Variants in ASIC2 observed in about 807,000 individuals in gnomAD.
ASIC2 encodes the protein acid sensing ion channel subunit 2.
A neutral mutation model predicts 57.3 loss-of-function variants in ASIC2; 25 were observed. That is an observed-to-expected ratio of 0.44 (90% CI 0.32 to 0.61). The LOEUF (loss-of-function observed/expected upper bound fraction) is 0.61, where lower values mean the gene tolerates loss of function less well. Ranked by LOEUF, ASIC2 falls within the 20% of genes least tolerant of loss-of-function variation. The pLI is 0.06. For missense variants in ASIC2, 641 were observed against 738.1 expected (o/e 0.87, Z 1.52); for synonymous variants, 319 against 307.5 (o/e 1.04, Z -0.39).
chr17:33,749,931 T>C (rs895527074), intron 1 of ASIC2, among the ~76,000 whole-genome samples: 4 of 152,040 alleles, frequency 2.6e-5, no homozygotes, highest in Admixed American at 2.0e-4. Context: ...GCCTCAGGAG[T>C]GCCCGAGTCT....
Position 33,292,118 on chromosome 17 carries a change from A to T in ASIC2, c.-3T>A. On this transcript the variant is annotated 5_prime_UTR_variant, in exon 1 of 10. It removes an upstream start codon present in the reference 5' UTR. Transcript: ENST00000225823. ...CCGGCTCCGCCAATCCGGCTCATTC[A>T]TTCAGCCCGCGGCTGGCGGCAGCGG... is the stretch of plus-strand genomic sequence containing the variant. 2.9e-6 allele frequency: 3 copies of T among 1,040,804 alleles called. No homozygotes were observed. Among genetic ancestry groups the T allele is most frequent in the Non-Finnish European group, 3.5e-6 (3 of 868,270 alleles). The allele number at this position is 1,040,804 out of a possible 1,614,324, so 64.5% of individuals were successfully genotyped here.
At chr17:33,247,767 G>A (rs777180031) in intron 1 of ASIC2, among the ~76,000 whole-genome samples, 4 of 152,070 alleles carry the variant, frequency 2.6e-5, no homozygotes, top group Non-Finnish European at 5.9e-5. Context: ...GAACAAAGGC[G>A]GGTAAGTTTT....
intron 1 of ASIC2, among the ~76,000 whole-genome samples, chr17:33,302,297 CAT>C (rs1003073121): frequency 6.6e-5 from 10 of 152,316 alleles, no homozygotes; most frequent in East Asian, 1.9e-4. Flanking sequence ...ACCATCCACT[CAT>C]GTGACGAAAA....
Position 33,086,312 on chromosome 17 carries a change from A to G in ASIC2, c.987+2551T>C, listed in dbSNP as rs190686130. Among the ~76,000 whole-genome samples the G allele has an allele frequency of 4.4e-4, 67 of 152,332 alleles. No homozygotes were observed. In the East Asian group the frequency reaches 5.8e-3, roughly 13 times the overall value. ...GGATTCCAAGGAATGTTGTTCACTTATTCTGCTGCTAATAACAATGTAGAT... is the reference window on the plus strand; with the variant it reads ...GGATTCCAAGGAATGTTGTTCACTTGTTCTGCTGCTAATAACAATGTAGAT... On this transcript the variant is annotated intron_variant, in intron 3 of 9. Coordinates refer to ENST00000225823, the MANE Select transcript of ASIC2 (RefSeq NM_183377.2).
chr17:33,549,943 A>G (rs973228738), intron 1 of ASIC2, among the ~76,000 whole-genome samples: 1 of 152,172 alleles, frequency 6.6e-6, no homozygotes, highest in African/African-American at 2.4e-5. Flanking sequence ...GGACGCTGAG[A>G]CAGCCTTGAG....
intron 1 of ASIC2, chr17:34,071,135 T>C (rs886422146): frequency 7.9e-6 from 1 of 126,800 alleles, no homozygotes; most frequent in Non-Finnish European, 1.6e-5. Flanking sequence ...CTCTGAGTGA[T>C]GAATTGTGAT....
At chr17:33,627,043 C>T (rs1361464326) in intron 1 of ASIC2, 2 of 152,384 alleles carry the variant, frequency 1.3e-5, no homozygotes, top group Non-Finnish European at 2.9e-5. Flanking sequence ...CACAGGCACA[C>T]TTCAGCCTCC....
intron 1 of ASIC2, among the ~76,000 whole-genome samples, chr17:33,144,751 A>C (rs1175982995): frequency 6.6e-6 from 1 of 152,178 alleles, no homozygotes; most frequent in African/African-American, 2.4e-5. Context: ...CCCAGAGCTC[A>C]TGAGGGTTGG....
intron 1 of ASIC2, among the ~76,000 whole-genome samples, chr17:33,685,905 C>T (rs1222674299): frequency 1.3e-5 from 2 of 152,106 alleles, no homozygotes; most frequent in African/African-American, 2.4e-5. Flanking sequence ...TGCGGAAGGG[C>T]CTGTTCTCAG....
chr17:33,756,853 T>C (rs1910619052), intron 1 of ASIC2, among the ~76,000 whole-genome samples: 1 of 152,226 alleles, frequency 6.6e-6, no homozygotes, highest in Non-Finnish European at 1.5e-5. Flanking sequence ...TGAGTGCCTT[T>C]AACACAACAC....
At chr17:33,995,231 A>G (rs1280678518) in intron 1 of ASIC2, among the ~76,000 whole-genome samples, 1 of 152,166 alleles carries the variant, frequency 6.6e-6, no homozygotes, top group African/African-American at 2.4e-5. Context: ...AGAGACAACA[A>G]TGTCTTATTC....
intron 1 of ASIC2, among the ~76,000 whole-genome samples, chr17:34,049,379 G>A (rs1171160706): frequency 6.6e-6 from 1 of 152,148 alleles, no homozygotes; most frequent in Non-Finnish European, 1.5e-5. Context: ...GAGCCCTCCT[G>A]AGTTGAACTA....
chr17:33,801,495 T>C (rs1436346333), intron 1 of ASIC2, among the ~76,000 whole-genome samples: 1 of 152,134 alleles, frequency 6.6e-6, no homozygotes, highest in Non-Finnish European at 1.5e-5. Flanking sequence ...CAGGGAGGTA[T>C]GGATTCAAAG....
At chr17:34,067,864 T>C (rs1289813839) in intron 1 of ASIC2, among the ~76,000 whole-genome samples, 1 of 152,212 alleles carries the variant, frequency 6.6e-6, no homozygotes. Flanking sequence ...CAATATGGTA[T>C]AGCAATATAT....
At chr17:33,226,041 G>A (rs1027417015) in intron 1 of ASIC2, among the ~76,000 whole-genome samples, 1 of 152,098 alleles carries the variant, frequency 6.6e-6, no homozygotes, top group Admixed American at 6.5e-5. Flanking sequence ...CATCTTTTGA[G>A]GCACTTGTGG....
At chr17:33,414,223 CT>C (rs1910759676) in intron 1 of ASIC2, among the ~76,000 whole-genome samples, 1 of 152,150 alleles carries the variant, frequency 6.6e-6, no homozygotes, top group African/African-American at 2.4e-5. Context: ...AGTCAGGAGG[CT>C]GCACCCAAAG....
At chr17:33,122,564 C>A (rs1193977211) in intron 1 of ASIC2, among the ~76,000 whole-genome samples, 1 of 152,116 alleles carries the variant, frequency 6.6e-6, no homozygotes, top group Non-Finnish European at 1.5e-5. Context: ...TGAGGTATAA[C>A]ATGATGTTTC....
chr17:34,086,971 G>A (rs1022086094), intron 1 of ASIC2, among the ~76,000 whole-genome samples: 1 of 152,158 alleles, frequency 6.6e-6, no homozygotes, highest in Non-Finnish European at 1.5e-5. Context: ...ACAGCACACT[G>A]ATGGGTCTTG....
intron 3 of ASIC2, among the ~76,000 whole-genome samples, chr17:33,047,980 A>G (rs1163958933): frequency 6.6e-6 from 1 of 152,104 alleles, no homozygotes; most frequent in Non-Finnish European, 1.5e-5. Context: ...TGAAGCCCTT[A>G]CCCCCAGTGT....
Sources: gnomAD v4.1 joint callset for allele counts (sites outside exome capture counted in the v4.1 genomes callset) on GRCh38, gnomAD v4.1.1 for gene constraint, MANE v1.5 for transcripts, NCBI Gene and HGNC (gene_info 2026-07-23, HGNC 2026-07-21) for gene names.